The following SIKE1 variants were observed in gnomAD, a reference collection of about 807,000 sequenced individuals.
SIKE1 encodes suppressor of IKBKE 1, also known as suppressor of IKK epsilon.
A neutral mutation model predicts 25.8 loss-of-function variants in SIKE1; 13 were observed. That is an observed-to-expected ratio of 0.50 (90% CI 0.33 to 0.80). The LOEUF is 0.80. Among genes scored for constraint, SIKE1 ranks in the 30% least tolerant of loss-of-function variants. The probability of loss-of-function intolerance (pLI) is 0.02; values close to 1 mark genes in which losing one functional copy is unlikely to be tolerated. For synonymous variants in SIKE1, 86 were observed against 95.5 expected (o/e 0.90, Z 0.58); for missense variants, 222 against 252.4 (o/e 0.88, Z 0.82).
intron 1 of SIKE1, 26 bp from the exon 2 acceptor site, chr1:114,780,241 A>T: frequency 6.3e-7 from 1 of 1,587,782 alleles, no homozygotes; most frequent in Non-Finnish European, 8.6e-7. Context: ...CAGACTAAGC[A>T]TGCCTTAAAG....
At chr1:114,778,193 A>G (rs1318350140) in intron 3 of SIKE1, among the ~76,000 whole-genome samples, 1 of 152,242 alleles carries the variant, frequency 6.6e-6, no homozygotes, top group Non-Finnish European at 1.5e-5. Context: ...AACCCTATAC[A>G]TCTAGAATTA....
rs1662386751 is a variant in SIKE1 at position 114,780,662 on chromosome 1, C to T, written c.-55G>A. 3.4e-6 allele frequency: 5 copies of T among 1,460,008 alleles called. No homozygotes were observed. Among genetic ancestry groups the T allele is most frequent in the South Asian group, 2.5e-5 (2 of 81,588 alleles). 90.4% of individuals were successfully genotyped at this position (1,460,008 alleles called of 1,614,324 possible). A position where few individuals can be genotyped will look rare whatever the true frequency, so the allele number is the denominator to read the frequency against. ...GCTCAGCTACGCGACTCGCTCAGAT[C>T]TTCTGGGAGTCTGTCTCAGCATTAC... On this transcript the variant is annotated 5_prime_UTR_variant, in exon 1 of 5. Transcript: ENST00000060969.
chr1:114,775,936 A>G (rs1237128982), intron 4 of SIKE1, among the ~76,000 whole-genome samples: 1 of 152,168 alleles, frequency 6.6e-6, no homozygotes, highest in African/African-American at 2.4e-5. Flanking sequence ...AAATGCAACC[A>G]CTTTTAACAC....
In SIKE1 at chr1:114,776,408, T is replaced by G; in HGVS notation, c.460A>C (p.Lys154Gln). 1 of 1,613,808 alleles carries G rather than the reference T, an allele frequency of 6.2e-7. No individual in the cohort carries two copies. Among genetic ancestry groups the G allele is most frequent in the Non-Finnish European group, 8.5e-7 (1 of 1,179,840 alleles). The change falls in exon 4 of 5, where the codon AAA becomes CAA. Residue 154 changes from lysine (K) to glutamine (Q), a missense_variant. Physicochemically the swap from Lys to Gln is moderately conservative, Grantham distance 53 (BLOSUM62 1). Coordinates refer to ENST00000060969, the MANE Select transcript of SIKE1 (RefSeq NM_025073.3). ...RICEMGEVMR[K>Q]AVQVDDDQFC... ...TGGTCATCATCCACCTGAACTGCTT[T>G]CCTCATCACTTCTCCCATTTCACAG...
chr1:114,779,275 A>C lies in SIKE1; in HGVS notation c.275T>G (p.Ile92Ser). 1 of 1,614,176 alleles carries C rather than the reference A, an allele frequency of 6.2e-7. No homozygotes were observed. Among genetic ancestry groups the C allele is most frequent in the Non-Finnish European group, 8.5e-7 (1 of 1,180,036 alleles). The change falls in exon 3 of 5, where the codon ATT becomes AGT. Residue 92 changes from isoleucine (I) to serine (S), a missense_variant. Coordinates refer to ENST00000060969, the MANE Select transcript of SIKE1 (RefSeq NM_025073.3). ...DLQQENRELW[I>S]SLEEHQDALE... ...AGCATCCTGGTGTTCCTCCAAGGAAATCCATAGCTCTGTCAAAAAATAAAA... is the reference window on the plus strand; with the variant it reads ...AGCATCCTGGTGTTCCTCCAAGGAACTCCATAGCTCTGTCAAAAAATAAAA...
chr1:114,774,206 C>A lies in SIKE1; in HGVS notation c.*65G>T. The A allele has an allele frequency of 7.7e-7, 1 of 1,297,682 alleles. No individual in the cohort carries two copies. Among genetic ancestry groups the A allele is most frequent in the Admixed American group, 1.8e-5 (1 of 56,904 alleles). The allele number at this position is 1,297,682 out of a possible 1,614,324, so 80.4% of individuals were successfully genotyped here. ...GAGGCAAGACACTTAATGGACAGTA[C>A]TTGAATGGGAAGACAGTAACTTCCT... On this transcript the variant is annotated 3_prime_UTR_variant, in exon 5 of 5. Coordinates refer to ENST00000060969, the MANE Select transcript of SIKE1 (RefSeq NM_025073.3).
At chr1:114,778,847 G>A (rs1662323317) in intron 3 of SIKE1, 3 of 377,548 alleles carry the variant, frequency 7.9e-6, no homozygotes, top group East Asian at 5.4e-5. Flanking sequence ...GCAACATGGC[G>A]AAATGTCATC....
At chr1:114,776,204 AG>A in intron 4 of SIKE1, 141 bp downstream of exon 4, 1 of 615,206 alleles carries the variant, frequency 1.6e-6, no homozygotes, top group Non-Finnish European at 2.9e-6. Flanking sequence ...AGGGTATAAA[AG>A]GGTATGAAGG....
At chr1:114,774,503 C>T in intron 4 of SIKE1, 131 bp from the exon 5 acceptor site, 1 of 586,080 alleles carries the variant, frequency 1.7e-6, no homozygotes. Flanking sequence ...AAAAAATCCA[C>T]TAGTTGAGAA....
At position 114,774,207 on chromosome 1, in the gene SIKE1, T is replaced by G; in HGVS notation, c.*64A>C. 7.6e-7 allele frequency: 1 copy of G among 1,308,494 alleles called. No individual in the cohort carries two copies. Among genetic ancestry groups the G allele is most frequent in the Non-Finnish European group, 1.1e-6 (1 of 909,590 alleles). 81.1% of individuals were successfully genotyped at this position (1,308,494 alleles called of 1,614,324 possible). ...AGGCAAGACACTTAATGGACAGTAC[T>G]TGAATGGGAAGACAGTAACTTCCTT... On this transcript the variant is annotated 3_prime_UTR_variant, in exon 5 of 5. Coordinates refer to ENST00000060969, the MANE Select transcript of SIKE1 (RefSeq NM_025073.3).
At position 114,780,554 on chromosome 1, in the gene SIKE1, C is replaced by T. The variant is rs1287253656; in HGVS notation, c.54G>A (p.Arg18=). ...CGGCGGCCGCATCGTGCTCCCGTAG[C>T]CTCTCCAGCAGCGTCTTGGCGTCTG... is the stretch of plus-strand genomic sequence containing the variant. ...ILTDAKTLLE[R]LREHDAAAES... The change falls in exon 1 of 5, where the codon AGG becomes AGA. Residue 18 remains arginine, a synonymous_variant. Coordinates refer to ENST00000060969, the MANE Select transcript of SIKE1 (RefSeq NM_025073.3). The T allele has an allele frequency of 6.2e-7, 1 of 1,613,912 alleles. No homozygotes were observed. Among genetic ancestry groups the T allele is most frequent in the Non-Finnish European group, 8.5e-7 (1 of 1,180,038 alleles).
At position 114,779,052 on chromosome 1, in the gene SIKE1, T is replaced by C. The variant is rs570373781; in HGVS notation, c.408+90A>G. ...GGCCTGGTCGACAAGAGCCAGACCC[T>C]ATCTCACAAAGCAAAAAAACAAGCA... On this transcript the variant is annotated intron_variant, in intron 3 of 4. Coordinates refer to ENST00000060969, the MANE Select transcript of SIKE1 (RefSeq NM_025073.3). 37 of 1,503,662 alleles carry C rather than the reference T, an allele frequency of 2.5e-5. 2 individuals are homozygous for C. In the South Asian group the frequency reaches 3.5e-4, roughly 14 times the overall value. The allele number at this position is 1,503,662 out of a possible 1,614,324, so 93.1% of individuals were successfully genotyped here.
chr1:114,776,310 T>A (rs1406683163), intron 4 of SIKE1, 36 bp downstream of exon 4: 1 of 1,270,596 alleles, frequency 7.9e-7, no homozygotes, highest in Non-Finnish European at 1.1e-6. Flanking sequence ...CGGAAAACTA[T>A]GAAATACTGT....
rs1570993419 is a variant in SIKE1, at chr1:114,780,510, G to A, written c.98C>T (p.Ser33Leu). Residue 33 changes from serine to leucine, a missense_variant, in exon 1 of 5, where the codon TCG becomes TTG. Coordinates refer to ENST00000060969, the MANE Select transcript of SIKE1 (RefSeq NM_025073.3). ...DAAAESLVDQ[S>L]AALHRRVAAM... ...TGCTACCCGCCGGTGCAGCGCCGCC[G>A]ACTGATCCACCAGCGACTCGGCGGC... 1 of 1,613,586 alleles carries A rather than the reference G, an allele frequency of 6.2e-7. No individual in the cohort carries two copies. The highest frequency in any genetic ancestry group is 1.3e-5 in the African/African-American group (1 of 75,024).
intron 2 of SIKE1, among the ~76,000 whole-genome samples, chr1:114,779,642 A>G (rs1662345277): frequency 6.6e-6 from 1 of 152,364 alleles, no homozygotes; most frequent in East Asian, 1.9e-4. Flanking sequence ...GTAGAATGAT[A>G]TATGTGAAAC....
At chr1:114,774,454 C>T (rs1049260751) in intron 4 of SIKE1, 82 bp from the exon 5 acceptor site, 3 of 919,678 alleles carry the variant, frequency 3.3e-6, no homozygotes, top group Non-Finnish European at 3.2e-6. Context: ...GAGCCAGGAG[C>T]AGAAAACATT....
chr1:114,776,758 T>TAC (rs1205263870), intron 3 of SIKE1, among the ~76,000 whole-genome samples: 4 of 152,062 alleles, frequency 2.6e-5, no homozygotes, highest in African/African-American at 9.7e-5. Flanking sequence ...ACTGGGTATA[T>TAC]ACCCAAAGGA....
At position 114,771,903 on chromosome 1, in the gene SIKE1, G is replaced by A. The variant is rs1393144621; in HGVS notation, c.*2368C>T. On this transcript the variant is annotated 3_prime_UTR_variant, in exon 5 of 5. Transcript: ENST00000060969. The stretch of plus-strand genomic sequence containing the variant: ...AAATCAGTGTCTTTAGGAATTGTTT[G>A]AGATGATTAGAATACAAATTCTTGA... The A allele has an allele frequency of 6.6e-6, 1 of 152,124 alleles. No individual in the cohort carries two copies. The highest frequency in any genetic ancestry group is 1.5e-5 in the Non-Finnish European group (1 of 67,994). 9.4% of individuals were successfully genotyped at this position (152,124 alleles called of 1,614,324 possible).
In SIKE1 at chr1:114,774,207, T is replaced by C. The variant is rs1662144033; in HGVS notation, c.*64A>G. The C allele has an allele frequency of 1.5e-6, 2 of 1,308,376 alleles. No individual in the cohort carries two copies. Among genetic ancestry groups the C allele is most frequent in the Non-Finnish European group, 2.2e-6 (2 of 909,598 alleles). 81.0% of individuals were successfully genotyped at this position (1,308,376 alleles called of 1,614,324 possible). On this transcript the variant is annotated 3_prime_UTR_variant, in exon 5 of 5. Coordinates refer to ENST00000060969, the MANE Select transcript of SIKE1 (RefSeq NM_025073.3). The stretch of plus-strand genomic sequence containing the variant: ...AGGCAAGACACTTAATGGACAGTAC[T>C]TGAATGGGAAGACAGTAACTTCCTT...
Sources: gnomAD v4.1 joint callset for allele counts (sites outside exome capture counted in the v4.1 genomes callset) on GRCh38, gnomAD v4.1.1 for gene constraint, MANE v1.5 for transcripts, NCBI Gene and HGNC (gene_info 2026-07-23, HGNC 2026-07-21) for gene names.